Variants in NR2F1-AS1 observed in about 807,000 individuals in gnomAD.
The protein encoded by NR2F1-AS1 is NR2F1 antisense RNA 1.
intron 1 of NR2F1-AS1, among the ~76,000 whole-genome samples, chr5:93,563,695 T>C (rs2149921516): frequency 6.6e-6 from 1 of 152,332 alleles, no homozygotes; most frequent in South Asian, 2.1e-4. Flanking sequence ...ATTAGATCTC[T>C]CTTCCCCAAC....
Position 93,424,597 on chromosome 5 carries a change from C to G in NR2F1-AS1, n.639-29055G>C, listed in dbSNP as rs556089240. Among the ~76,000 whole-genome samples, 9 of 152,228 alleles carry G rather than the reference C, an allele frequency of 5.9e-5. No homozygotes were observed. In the South Asian group the frequency reaches 1.9e-3, roughly 32 times the overall value. ...GCATTAGCCTCCTCAATCCTCCCTA[C>G]CACCAGCCTCTGCACTTCAGACTAT... On this transcript the variant is annotated intron_variant and non_coding_transcript_variant, in intron 4 of 5. Coordinates refer to ENST00000660523, the Ensembl canonical transcript of NR2F1-AS1.
chr5:93,518,094 T>A (rs1235848526), intron 4 of NR2F1-AS1, among the ~76,000 whole-genome samples: 1 of 152,112 alleles, frequency 6.6e-6, no homozygotes, highest in Non-Finnish European at 1.5e-5. Flanking sequence ...TGTGCCCACC[T>A]TCTCTGAGAT....
intron 1 of NR2F1-AS1, among the ~76,000 whole-genome samples, chr5:93,576,675 C>T (rs1269551164): frequency 1.3e-5 from 2 of 152,170 alleles, no homozygotes; most frequent in East Asian, 3.8e-4. Flanking sequence ...TGACATTAAA[C>T]ACTGAAACAT....
At chr5:93,502,175 G>A (rs1715750987) in intron 4 of NR2F1-AS1, among the ~76,000 whole-genome samples, 1 of 152,084 alleles carries the variant, frequency 6.6e-6, no homozygotes, top group Non-Finnish European at 1.5e-5. Context: ...TATATGCACT[G>A]GGAAACCAAA....
intron 4 of NR2F1-AS1, among the ~76,000 whole-genome samples, chr5:93,472,453 G>A (rs570962907): frequency 1.2e-4 from 18 of 151,512 alleles, no homozygotes; most frequent in Non-Finnish European, 2.1e-4. Context: ...ACTTGATACT[G>A]ACTAAAATAA....
At chr5:93,441,661 G>T (rs983658262) in intron 4 of NR2F1-AS1, among the ~76,000 whole-genome samples, 5 of 152,238 alleles carry the variant, frequency 3.3e-5, no homozygotes, top group African/African-American at 1.2e-4. Flanking sequence ...CTACTTCAGA[G>T]TAAGAATAAG....
intron 4 of NR2F1-AS1, among the ~76,000 whole-genome samples, chr5:93,546,469 G>A (rs571037065): frequency 5.3e-5 from 8 of 152,146 alleles, no homozygotes; most frequent in South Asian, 2.1e-4. Flanking sequence ...GCAAGTCAGA[G>A]GGAAATGGTT....
chr5:93,441,030 T>G (rs944718351), intron 4 of NR2F1-AS1, among the ~76,000 whole-genome samples: 6 of 152,224 alleles, frequency 3.9e-5, no homozygotes, highest in African/African-American at 1.2e-4. Flanking sequence ...TTCACCTTCT[T>G]ACATTTTTAC....
intron 4 of NR2F1-AS1, among the ~76,000 whole-genome samples, chr5:93,490,783 G>A (rs1244470730): frequency 6.6e-6 from 1 of 151,376 alleles, no homozygotes; most frequent in African/African-American, 2.4e-5. Context: ...AGTGGTGGTG[G>A]TAGTCCTGGT....
At chr5:93,420,667 T>C (rs1456455549) in intron 4 of NR2F1-AS1, among the ~76,000 whole-genome samples, 2 of 151,998 alleles carry the variant, frequency 1.3e-5, no homozygotes, top group East Asian at 3.9e-4. Context: ...CTAAACATAG[T>C]GATAGAGTCA....
intron 1 of NR2F1-AS1, among the ~76,000 whole-genome samples, chr5:93,566,518 T>C (rs1752621822): frequency 6.6e-6 from 1 of 152,026 alleles, no homozygotes; most frequent in South Asian, 2.1e-4. Context: ...TTCTGACAGA[T>C]TAAATATATG....
At chr5:93,576,792 A>G (rs935430308) in intron 1 of NR2F1-AS1, among the ~76,000 whole-genome samples, 2 of 152,218 alleles carry the variant, frequency 1.3e-5, no homozygotes, top group African/African-American at 4.8e-5. Context: ...ATTAAGGGAA[A>G]TGATTATGTA....
At chr5:93,511,205 C>T (rs550066080) in intron 4 of NR2F1-AS1, among the ~76,000 whole-genome samples, 1 of 152,178 alleles carries the variant, frequency 6.6e-6, no homozygotes, top group South Asian at 2.1e-4. Flanking sequence ...TTGCCCTCCC[C>T]AATGTGGTTG....
chr5:93,476,196 A>G (rs928895279), intron 4 of NR2F1-AS1, among the ~76,000 whole-genome samples: 4 of 152,198 alleles, frequency 2.6e-5, no homozygotes, highest in Non-Finnish European at 5.9e-5. Context: ...GTGAACATGC[A>G]TGTCATAAAT....
chr5:93,474,193 T>C (rs1158360911), intron 4 of NR2F1-AS1, among the ~76,000 whole-genome samples: 1 of 152,192 alleles, frequency 6.6e-6, no homozygotes, highest in Non-Finnish European at 1.5e-5. Context: ...TCACATGTAT[T>C]ACTGTACAAG....
intron 4 of NR2F1-AS1, among the ~76,000 whole-genome samples, chr5:93,445,641 T>A (rs766512889): frequency 1.1e-4 from 17 of 152,046 alleles, no homozygotes; most frequent in Non-Finnish European, 2.4e-4. Context: ...GCTGGTACCA[T>A]TCCTTCTGAA....
chr5:93,493,348 C>A (rs979379813), intron 4 of NR2F1-AS1, among the ~76,000 whole-genome samples: 4 of 151,940 alleles, frequency 2.6e-5, no homozygotes, highest in African/African-American at 7.3e-5. Flanking sequence ...GAAAGACATA[C>A]ACTGTATGTC....
chr5:93,539,033 C>T (rs1233630467), intron 4 of NR2F1-AS1, among the ~76,000 whole-genome samples: 1 of 152,308 alleles, frequency 6.6e-6, no homozygotes, highest in East Asian at 1.9e-4. Flanking sequence ...AATACCAACA[C>T]TTTGGGAGGC....
At chr5:93,540,740 T>G (rs1454868259) in intron 4 of NR2F1-AS1, among the ~76,000 whole-genome samples, 1 of 151,972 alleles carries the variant, frequency 6.6e-6, no homozygotes, top group Non-Finnish European at 1.5e-5. Flanking sequence ...CAAAAAAAAT[T>G]TAAAACACAC....
Sources: gnomAD v4.1 joint callset for allele counts (sites outside exome capture counted in the v4.1 genomes callset) on GRCh38, gnomAD v4.1.1 for gene constraint, MANE v1.5 for transcripts, NCBI Gene and HGNC (gene_info 2026-07-23, HGNC 2026-07-21) for gene names.